Variants in IRAK1BP1 observed in about 807,000 individuals in gnomAD.
The protein encoded by IRAK1BP1 is interleukin-1 receptor-associated kinase 1-binding protein 1.
A neutral mutation model predicts 28.0 loss-of-function variants in IRAK1BP1; 24 were observed. The ratio of observed to expected loss-of-function variants is 0.86; its 90% confidence interval spans 0.62 to 1.20. The LOEUF is 1.20. IRAK1BP1 is among the 50% of genes most tolerant of loss of function. The probability of loss-of-function intolerance (pLI) is 0.00; values close to 1 mark genes in which losing one functional copy is unlikely to be tolerated. For missense variants in IRAK1BP1, 336 were observed against 316.7 expected, an observed-to-expected ratio of 1.06 and a Z score of -0.46; for synonymous variants, 131 against 116.3, an observed-to-expected ratio of 1.13 and a Z score of -0.81.
At chr6:78,952,003 GTTTCAATATTTTCTTTTTGAC>G in the IRAK1BP1 span, among the ~76,000 whole-genome samples, 1 of 152,096 alleles carries the variant, frequency 6.6e-6, no homozygotes, top group Non-Finnish European at 1.5e-5. Context: ...CTGTATGACT[GTTTCAATATTTTCTTTTTGAC>G]TTTCAATTGT....
At chr6:78,897,580 T>A (rs2127654394) in intron 2 of IRAK1BP1, among the ~76,000 whole-genome samples, 1 of 152,296 alleles carries the variant, frequency 6.6e-6, no homozygotes, top group East Asian at 1.9e-4. Flanking sequence ...CAATTTCATT[T>A]AAAAATCCCT....
At chr6:78,877,656 T>A (rs1055345089) in intron 1 of IRAK1BP1, among the ~76,000 whole-genome samples, 1 of 152,084 alleles carries the variant, frequency 6.6e-6, no homozygotes, top group African/African-American at 2.4e-5. Flanking sequence ...GGACAGTGGG[T>A]GCAGCCCATG....
chr6:78,903,130 G>A (rs1242287354), downstream of IRAK1BP1: 1 of 1,265,104 alleles, frequency 7.9e-7, no homozygotes, highest in African/African-American at 1.5e-5. Flanking sequence ...TTCATTATAA[G>A]AGTGAGAAAA....
At chr6:78,903,678 C>G (rs965262109), downstream of IRAK1BP1, among the ~76,000 whole-genome samples, 1 of 151,460 alleles carries the variant, frequency 6.6e-6, no homozygotes, top group Admixed American at 6.6e-5. Flanking sequence ...AAAAGCCTCC[C>G]AAATGCCATG....
At chr6:78,965,627 A>G in the IRAK1BP1 span, 2 of 806,990 alleles carry the variant, frequency 2.5e-6, no homozygotes, top group Non-Finnish European at 2.1e-6. Flanking sequence ...AAGTGGTAGC[A>G]TGTTAGCAAA....
At chr6:78,908,073 CAG>C (rs1323371806), downstream of IRAK1BP1, among the ~76,000 whole-genome samples, 1 of 149,764 alleles carries the variant, frequency 6.7e-6, no homozygotes. Context: ...TTTTTTGAGA[CAG>C]AGTCTCACTC....
intron 1 of IRAK1BP1, among the ~76,000 whole-genome samples, chr6:78,884,510 A>G (rs554112914): frequency 6.6e-6 from 1 of 152,142 alleles, no homozygotes; most frequent in Non-Finnish European, 1.5e-5. Context: ...GTACTTTTCT[A>G]AAACCAAACT....
intron 4 of IRAK1BP1, among the ~76,000 whole-genome samples, chr6:78,932,299 C>T (rs1337338296): frequency 2.6e-5 from 4 of 151,982 alleles, no homozygotes; most frequent in African/African-American, 9.7e-5. Flanking sequence ...GAATCACGAA[C>T]GTTCTTAATG....
chr6:78,950,549 C>G (rs1254831854), downstream of IRAK1BP1, among the ~76,000 whole-genome samples: 1 of 152,136 alleles, frequency 6.6e-6, no homozygotes, highest in Non-Finnish European at 1.5e-5. Context: ...TTGCTTCATA[C>G]TGGGTGAGTT....
intron 4 of IRAK1BP1, among the ~76,000 whole-genome samples, chr6:78,943,411 TG>T (rs1187812995): frequency 6.6e-6 from 1 of 152,220 alleles, no homozygotes; most frequent in Non-Finnish European, 1.5e-5. Context: ...CATATATATT[TG>T]ATTTCTCTAG....
At chr6:78,944,396 TG>T (rs1356600074) in intron 4 of IRAK1BP1, among the ~76,000 whole-genome samples, 2 of 152,080 alleles carry the variant, frequency 1.3e-5, no homozygotes, top group Non-Finnish European at 2.9e-5. Flanking sequence ...AGAGAGGGAC[TG>T]GTTAAGAAAG....
chr6:78,966,162 G>A, the IRAK1BP1 span: 1 of 703,318 alleles, frequency 1.4e-6, no homozygotes. Flanking sequence ...TATGATTTCA[G>A]AAGACAAAAA....
downstream of IRAK1BP1, among the ~76,000 whole-genome samples, chr6:78,950,764 C>G (rs1485099451): frequency 1.3e-4 from 20 of 152,158 alleles, no homozygotes; most frequent in South Asian, 4.1e-3. Context: ...AGAGGCTTGT[C>G]AATTCTGTTG....
At chr6:78,878,799 A>G (rs1370970118) in intron 1 of IRAK1BP1, among the ~76,000 whole-genome samples, 1 of 152,220 alleles carries the variant, frequency 6.6e-6, no homozygotes, top group Admixed American at 6.5e-5. Flanking sequence ...CGTAGAGAAG[A>G]CCTTAAATGA....
At position 78,893,306 on chromosome 6, in the gene IRAK1BP1, G is replaced by GTATA. The variant is rs1355844985; in HGVS notation, c.382-4522_382-4521insATAT. On this transcript the variant is annotated intron_variant, in intron 2 of 3. Coordinates refer to ENST00000369940, the MANE Select transcript of IRAK1BP1 (RefSeq NM_001010844.4). ...TGTGTGTATATATGTGTGTGTGTGTGTGTGTGTGTATATATATATATATAT... is the reference window on the plus strand; with the variant it reads ...TGTGTGTATATATGTGTGTGTGTGTGTATATGTGTGTGTATATATATATATATAT... Among the ~76,000 whole-genome samples, 36 of 97,816 alleles carry GTATA rather than the reference G, an allele frequency of 3.7e-4. 1 individual carries two copies. Among genetic ancestry groups the GTATA allele is most frequent in the African/African-American group, 1.0e-3 (26 of 25,470 alleles). 64.2% of individuals were successfully genotyped at this position (97,816 alleles called of 152,430 possible). A position where few individuals can be genotyped will look rare whatever the true frequency, so the allele number is the denominator to read the frequency against.
At position 78,897,974 on chromosome 6, in the gene IRAK1BP1, A is replaced by T. The variant is rs1340650488; in HGVS notation, c.512+15A>T. On this transcript the variant is annotated intron_variant, in intron 3 of 3. Coordinates refer to ENST00000369940, the MANE Select transcript of IRAK1BP1 (RefSeq NM_001010844.4). ...GAGAATCTTCGGTAAGTTTAAGCACATCTTTAACTAAGATATTCTTTAAAC... is the reference window on the plus strand; with the variant it reads ...GAGAATCTTCGGTAAGTTTAAGCACTTCTTTAACTAAGATATTCTTTAAAC... 1.2e-6 allele frequency: 2 copies of T among 1,612,214 alleles called. No homozygotes were observed. The highest frequency in any genetic ancestry group is 3.4e-5 in the Admixed American group (2 of 59,498).
the IRAK1BP1 span, chr6:78,958,649 A>C: frequency 9.0e-7 from 1 of 1,109,566 alleles, no homozygotes; most frequent in Non-Finnish European, 1.4e-6. Flanking sequence ...ATTTAGAAAT[A>C]TGTGTACATC....
intron 1 of IRAK1BP1, among the ~76,000 whole-genome samples, chr6:78,881,247 G>T (rs2083685465): frequency 6.6e-6 from 1 of 152,166 alleles, no homozygotes; most frequent in Non-Finnish European, 1.5e-5. Flanking sequence ...CTGCATATTA[G>T]TCAGTGAAAG....
chr6:78,934,572 G>T (rs142020210), intron 4 of IRAK1BP1, among the ~76,000 whole-genome samples: 3 of 152,236 alleles, frequency 2.0e-5, no homozygotes, highest in Admixed American at 1.3e-4. Context: ...GGTCATGGCC[G>T]CAAGACACAG....
Sources: allele counts gnomAD v4.1 joint callset (sites outside exome capture counted in the v4.1 genomes callset), GRCh38; gene constraint gnomAD v4.1.1; transcripts MANE v1.5; gene names NCBI Gene and HGNC (gene_info 2026-07-23, HGNC 2026-07-21).